The following PIEZO2 variants were observed in gnomAD, a reference collection of about 807,000 sequenced individuals.
The protein encoded by PIEZO2 is piezo-type mechanosensitive ion channel component 2.
A neutral mutation model predicts 337.3 loss-of-function variants in PIEZO2; 172 were observed. The observed-to-expected ratio is 0.51, with a 90% CI of 0.45 to 0.58. PIEZO2 has a LOEUF of 0.58. PIEZO2 is among the 20% of genes least tolerant of loss of function. The pLI is 0.00. For synonymous variants in PIEZO2, 1,251 were observed against 1,228.5 expected (o/e 1.02, Z -0.38); for missense variants, 3,028 against 3,391.3 (o/e 0.89, Z 2.66).
intron 5 of PIEZO2, among the ~76,000 whole-genome samples, chr18:10,868,652 GATTA>G (rs2042066024): frequency 6.6e-6 from 1 of 152,106 alleles, no homozygotes; most frequent in South Asian, 2.1e-4. Flanking sequence ...TAAATAATGT[GATTA>G]ATAATACATA....
At chr18:10,957,835 C>T (rs561910058) in intron 3 of PIEZO2, among the ~76,000 whole-genome samples, 19 of 152,206 alleles carry the variant, frequency 1.2e-4, no homozygotes, top group African/African-American at 4.6e-4. Flanking sequence ...TACAAATAAC[C>T]TGATTAAAAA....
chr18:11,023,224 A>G (rs2036380600), intron 2 of PIEZO2, among the ~76,000 whole-genome samples: 1 of 152,090 alleles, frequency 6.6e-6, no homozygotes, highest in Non-Finnish European at 1.5e-5. Context: ...TTATTCTCTT[A>G]TCTGGCCCCA....
rs2036746875 is a variant in PIEZO2, at chr18:11,031,805, G to A, written c.160+34322C>T. ...TGGGACATTAAGGTATGGGGCATGA[G>A]GTGTTGGCAAGCTCAGGGCAATGGC... On this transcript the variant is annotated intron_variant, in intron 2 of 55. Transcript: ENST00000674853. The surrounding 1 kb of genome is among the most constrained non-coding windows in gnomAD (Gnocchi z 4.7). Among the ~76,000 whole-genome samples, 1 of 152,136 alleles carries A rather than the reference G, an allele frequency of 6.6e-6. No individual in the cohort carries two copies. The highest frequency in any genetic ancestry group is 2.1e-4 in the South Asian group (1 of 4,830).
At chr18:10,725,178 C>A in intron 36 of PIEZO2, 2 of 1,525,982 alleles carry the variant, frequency 1.3e-6, no homozygotes, top group Non-Finnish European at 1.8e-6. Context: ...GACAGTTCAT[C>A]CATCAGGCAG....
intron 21 of PIEZO2, 178 bp downstream of exon 21, chr18:10,769,970 T>C: frequency 1.7e-6 from 1 of 601,300 alleles, no homozygotes; most frequent in Non-Finnish European, 2.6e-6. Flanking sequence ...CGAGCCTCTT[T>C]CCTTTTTCTC....
chr18:10,798,364 A>G (rs2039685575), intron 11 of PIEZO2, among the ~76,000 whole-genome samples: 1 of 152,222 alleles, frequency 6.6e-6, no homozygotes. Context: ...AAATGACTGA[A>G]AAATCAGTGA....
intron 49 of PIEZO2, among the ~76,000 whole-genome samples, chr18:10,684,098 TTCTC>T (rs1276035639): frequency 3.5e-5 from 1 of 28,982 alleles, no homozygotes; most frequent in African/African-American, 8.4e-5. Flanking sequence ...CCTTCCTTCT[TTCTC>T]TCTCTCTTTC....
At chr18:10,718,148 C>T in intron 37 of PIEZO2, 52 bp downstream of exon 37, 1 of 1,420,408 alleles carries the variant, frequency 7.0e-7, no homozygotes, top group Non-Finnish European at 9.6e-7. Flanking sequence ...ACGATCTGGG[C>T]AGGTATCATT....
intron 11 of PIEZO2, among the ~76,000 whole-genome samples, chr18:10,799,972 C>CA (rs34096733): frequency 0.011 from 1,414 of 128,248 alleles, 25 homozygotes; most frequent in African/African-American, 0.037. Context: ...GACTCTGTCT[C>CA]AAAAAAAAAA....
chr18:10,807,318 A>G (rs1281917395), intron 7 of PIEZO2, 44 bp from the exon 8 acceptor site: 12 of 1,496,138 alleles, frequency 8.0e-6, no homozygotes, highest in Admixed American at 2.0e-5. Flanking sequence ...GCAATAAGCT[A>G]TATGTCTCCA....
At chr18:10,804,674 C>T (rs909133300) in intron 8 of PIEZO2, among the ~76,000 whole-genome samples, 1 of 151,778 alleles carries the variant, frequency 6.6e-6, no homozygotes, top group Non-Finnish European at 1.5e-5. Context: ...CTGGGAGGGG[C>T]GTTACATTTG....
chr18:10,862,795 G>A lies in PIEZO2; in HGVS notation c.493-5584C>T, dbSNP rs184150468. Among the ~76,000 whole-genome samples, 430 of 152,322 alleles carry A rather than the reference G, an allele frequency of 2.8e-3. 1 individual carries two copies. The highest frequency in any genetic ancestry group is 0.012 in the Admixed American group (191 of 15,310). ...CCCCTCCAGAATTCAGGCCCTGGCCGACATTGGCAACCACTGATCAATGAA... is the reference window on the plus strand; with the variant it reads ...CCCCTCCAGAATTCAGGCCCTGGCCAACATTGGCAACCACTGATCAATGAA... On this transcript the variant is annotated intron_variant, in intron 5 of 55. Transcript: ENST00000674853. The surrounding 1 kb of genome is among the most constrained non-coding windows in gnomAD (Gnocchi z 4.4).
chr18:11,080,394 T>C lies in PIEZO2; in HGVS notation c.65-14172A>G, dbSNP rs963514718. 1.4e-4 allele frequency among the ~76,000 whole-genome samples: 21 copies of C among 152,376 alleles called. No individual in the cohort carries two copies. Among genetic ancestry groups the C allele is most frequent in the African/African-American group, 4.8e-4 (20 of 41,588 alleles). On this transcript the variant is annotated intron_variant, in intron 1 of 55. Coordinates refer to ENST00000674853, the MANE Select transcript of PIEZO2 (RefSeq NM_001378183.1). This position sits in a 1 kb window ranked among gnomAD's most constrained non-coding sequence, Gnocchi z 5.4. ...CTTGTAGAATTTCACCATCTATACA[T>C]GCTACTTCCTTGATTAGACTGTAAC...
At chr18:11,040,350 T>C (rs2037076950) in intron 2 of PIEZO2, among the ~76,000 whole-genome samples, 4 of 152,214 alleles carry the variant, frequency 2.6e-5, no homozygotes, top group South Asian at 4.1e-4. Flanking sequence ...TTTATTTTTC[T>C]TTATATCTTA....
At chr18:10,743,201 AAAT>A (rs1370175078) in intron 31 of PIEZO2, among the ~76,000 whole-genome samples, 3 of 152,202 alleles carry the variant, frequency 2.0e-5, no homozygotes, top group Non-Finnish European at 4.4e-5. Context: ...GTCTTTATGA[AAAT>A]AATAATGCTG....
chr18:11,014,362 A>T (rs1340176453), intron 2 of PIEZO2, among the ~76,000 whole-genome samples: 1 of 123,856 alleles, frequency 8.1e-6, no homozygotes, highest in Non-Finnish European at 1.7e-5. Flanking sequence ...GTCACCCTGG[A>T]CAGGACAGCA....
At chr18:10,742,763 T>C in intron 31 of PIEZO2, 148 bp from the exon 32 acceptor site, 2 of 785,274 alleles carry the variant, frequency 2.5e-6, no homozygotes, top group Non-Finnish European at 3.9e-6. Flanking sequence ...GGTTGCTCAT[T>C]AGCAACAAGG....
intron 36 of PIEZO2, among the ~76,000 whole-genome samples, chr18:10,729,393 A>G (rs1478637764): frequency 6.6e-6 from 1 of 152,182 alleles, no homozygotes; most frequent in Admixed American, 6.5e-5. Flanking sequence ...TGGGAGACCA[A>G]GGTGGACGGA....
intron 3 of PIEZO2, among the ~76,000 whole-genome samples, chr18:10,935,511 G>A (rs1190150031): frequency 2.0e-5 from 3 of 152,148 alleles, no homozygotes; most frequent in Non-Finnish European, 4.4e-5. Flanking sequence ...CTCTGTTCCT[G>A]GTACTGTAGA....
Sources: allele counts gnomAD v4.1 joint callset (sites outside exome capture counted in the v4.1 genomes callset), GRCh38; gene constraint gnomAD v4.1.1; non-coding constraint Gnocchi (gnomAD v3.1); transcripts MANE v1.5; gene names NCBI Gene and HGNC (gene_info 2026-07-23, HGNC 2026-07-21).